The following MCF2L variants were observed in gnomAD, a reference collection of about 807,000 sequenced individuals.
The protein encoded by MCF2L is MCF.2 cell line derived transforming sequence like.
In MCF2L, 97 loss-of-function variants were observed where a neutral mutation model predicts 153.4. That is an observed-to-expected ratio of 0.63 (90% CI 0.54 to 0.75). MCF2L has a LOEUF of 0.75. Ranked by LOEUF, MCF2L falls within the 30% of genes least tolerant of loss-of-function variation. The pLI is 0.00. For synonymous variants in MCF2L, 659 were observed against 632.2 expected (o/e 1.04, Z -0.64); for missense variants, 1,347 against 1,495.2 (o/e 0.90, Z 1.64).
At chr13:112,968,704 G>A, upstream of MCF2L, 1 of 1,411,984 alleles carries the variant, frequency 7.1e-7, no homozygotes, top group Non-Finnish European at 9.2e-7. Context: ...CCTGCCACGG[G>A]GCGGCCGGAG....
chr13:113,027,632 G>A lies in MCF2L; in HGVS notation c.278+2874G>A, dbSNP rs559169258. ...GGAGGGGCTGGGTCTCGGGCCGAGCGGCCGAGCTCCCTGAGGGGCTGATGG... is the reference window on the plus strand; with the variant it reads ...GGAGGGGCTGGGTCTCGGGCCGAGCAGCCGAGCTCCCTGAGGGGCTGATGG... On this transcript the variant is annotated intron_variant, in intron 3 of 29. Transcript: ENST00000535094. This position sits in a 1 kb window ranked among gnomAD's most constrained non-coding sequence, Gnocchi z 4.8. 3.3e-5 allele frequency among the ~76,000 whole-genome samples: 5 copies of A among 152,294 alleles called. No homozygotes were observed. The highest frequency in any genetic ancestry group is 2.1e-4 in the South Asian group (1 of 4,818).
At chr13:113,082,632 C>T in intron 17 of MCF2L, 90 bp downstream of exon 17, 1 of 977,888 alleles carries the variant, frequency 1.0e-6, no homozygotes, top group East Asian at 2.7e-5. Context: ...GGGTGGAGGC[C>T]AGGCCATGCC....
At position 113,074,978 on chromosome 13, in the gene MCF2L, C is replaced by T. The variant is rs7317621; in HGVS notation, c.1117-20C>T. 1.2e-3 allele frequency: 1,856 copies of T among 1,585,988 alleles called. 22 individuals carry two copies. In the African/African-American group the frequency reaches 0.022, roughly 19 times the overall value. ...GAACAGAAAGAGGCCTGAGCTGGTC[C>T]TCTGGGTGGCCGTCCACAGGTGGCC... On this transcript the variant is annotated intron_variant, in intron 10 of 29. Coordinates refer to ENST00000535094, the MANE Select transcript of MCF2L (RefSeq NM_001112732.3). This position sits in a 1 kb window ranked among gnomAD's most constrained non-coding sequence, Gnocchi z 4.2.
chr13:113,057,363 T>C (rs1361058625), intron 4 of MCF2L, among the ~76,000 whole-genome samples: 1 of 138,776 alleles, frequency 7.2e-6, no homozygotes, highest in East Asian at 2.2e-4. Flanking sequence ...CGCTGAGTGT[T>C]TGGGGGCTGT....
chr13:112,950,982 G>A (rs966707992), intron 2 of MCF2L, among the ~76,000 whole-genome samples: 1 of 152,222 alleles, frequency 6.6e-6, no homozygotes, highest in Non-Finnish European at 1.5e-5. Context: ...AAACCACATA[G>A]CTGATAAAGG....
intron 2 of MCF2L, among the ~76,000 whole-genome samples, chr13:112,913,893 G>A (rs1368407108): frequency 6.6e-6 from 1 of 151,982 alleles, no homozygotes; most frequent in East Asian, 1.9e-4. Context: ...ACTCTTTCTC[G>A]CTCACTTGAC....
At chr13:112,954,970 T>G (rs1420378338) in intron 2 of MCF2L, among the ~76,000 whole-genome samples, 1 of 152,144 alleles carries the variant, frequency 6.6e-6, no homozygotes, top group Non-Finnish European at 1.5e-5. Context: ...TATAGTGGAA[T>G]CCAGCAGCCA....
In MCF2L at chr13:112,923,951, T is replaced by A. The variant is rs1485188632; in HGVS notation, c.169+21580T>A. On this transcript the variant is annotated intron_variant, in intron 2 of 29. Transcript: ENST00000375608. ...TGTAGAACATTCCTAAATTGGGGTTTGTCTAATGTTTATTGCTAAATCCAG... is the reference window on the plus strand; with the variant it reads ...TGTAGAACATTCCTAAATTGGGGTTAGTCTAATGTTTATTGCTAAATCCAG... Among the ~76,000 whole-genome samples the A allele has an allele frequency of 2.0e-5, 3 of 152,192 alleles. No individual in the cohort carries two copies. The East Asian group carries it at 5.8e-4, about 29-fold the overall frequency.
intron 15 of MCF2L, 56 bp downstream of exon 15, chr13:113,078,795 C>A (rs2033796425): frequency 6.9e-7 from 1 of 1,459,274 alleles, no homozygotes; most frequent in Admixed American, 1.9e-5. Context: ...GCCTGAACCA[C>A]CAGATGCCGT....
intron 4 of MCF2L, among the ~76,000 whole-genome samples, chr13:113,050,052 C>CAT (rs35807185): frequency 0.47 from 71,181 of 151,802 alleles, 16,912 homozygotes; most frequent in South Asian, 0.51. Context: ...TGAGAACTCA[C>CAT]GTCTCTTCTC....
At chr13:113,095,997 C>T in intron 27 of MCF2L, 1 of 367,234 alleles carries the variant, frequency 2.7e-6, no homozygotes, top group South Asian at 2.7e-5. Flanking sequence ...AGAGGACGGG[C>T]GAGTCGGGGA....
At chr13:112,980,385 G>T (rs1019817378) in intron 1 of MCF2L, among the ~76,000 whole-genome samples, 3 of 152,274 alleles carry the variant, frequency 2.0e-5, no homozygotes, top group Non-Finnish European at 4.4e-5. Flanking sequence ...TGGAACCACG[G>T]TGGGCTGTGG....
chr13:112,938,309 G>T (rs1391063464), intron 2 of MCF2L, among the ~76,000 whole-genome samples: 3 of 149,692 alleles, frequency 2.0e-5, no homozygotes, highest in African/African-American at 4.9e-5. Flanking sequence ...TGAGCTCTGA[G>T]TGGTTGATTC....
chr13:113,086,266 C>CCCG lies in MCF2L; in HGVS notation c.2373+18_2373+20dup, dbSNP rs1876940386. 1 of 1,606,802 alleles carries CCCG rather than the reference C, an allele frequency of 6.2e-7. No homozygotes were observed. The highest frequency in any genetic ancestry group is 1.7e-5 in the Admixed American group (1 of 59,056). Reference sequence around the variant, plus strand: ...GGCTATGACGTAAGGCGCCCAGATGCCCGGTCTTCCCCGCCGCCTCCGTGG... The same window carrying CCCG: ...GGCTATGACGTAAGGCGCCCAGATGCCCGCCGGTCTTCCCCGCCGCCTCCGTGG... On this transcript the variant is annotated intron_variant, in intron 21 of 29. Transcript: ENST00000535094.
At chr13:113,066,700 C>T (rs1479093147) in intron 8 of MCF2L, among the ~76,000 whole-genome samples, 1 of 151,910 alleles carries the variant, frequency 6.6e-6, no homozygotes, top group Admixed American at 6.6e-5. Context: ...CCCCTCACCC[C>T]CCGAGAACTC....
At chr13:113,001,094 G>T (rs1013654849) in intron 1 of MCF2L, among the ~76,000 whole-genome samples, 1 of 152,188 alleles carries the variant, frequency 6.6e-6, no homozygotes, top group African/African-American at 2.4e-5. Flanking sequence ...AGCTCTCTGT[G>T]GGACTCCCAC....
chr13:113,044,950 A>G, intron 3 of MCF2L: 1 of 1,590,636 alleles, frequency 6.3e-7, no homozygotes, highest in East Asian at 2.3e-5. Context: ...AAGGAAAATG[A>G]CTCGGCTCTT....
chr13:112,954,831 T>C (rs937317612), intron 2 of MCF2L, among the ~76,000 whole-genome samples: 1 of 152,186 alleles, frequency 6.6e-6, no homozygotes, highest in African/African-American at 2.4e-5. Flanking sequence ...TATTTAGAGC[T>C]CTGTGTGCTA....
chr13:112,943,381 C>T lies in MCF2L; in HGVS notation c.169+41010C>T, dbSNP rs533589289. ...GCGCGGGGAGGGCGGCGGCTCCCAGCTCCCGGTCCCCGGCTCCGCGCCGCA... is the reference window on the plus strand; with the variant it reads ...GCGCGGGGAGGGCGGCGGCTCCCAGTTCCCGGTCCCCGGCTCCGCGCCGCA... On this transcript the variant is annotated intron_variant, in intron 2 of 29. Coordinates refer to the MCF2L transcript ENST00000375608. This position sits in a 1 kb window ranked among gnomAD's most constrained non-coding sequence, Gnocchi z 4.2. Among the ~76,000 whole-genome samples, 28 of 151,296 alleles carry T rather than the reference C, an allele frequency of 1.9e-4. No individual in the cohort carries two copies. Among genetic ancestry groups the T allele is most frequent in the African/African-American group, 6.6e-4 (27 of 41,162 alleles).
Sources: gnomAD v4.1 joint callset for allele counts (sites outside exome capture counted in the v4.1 genomes callset) on GRCh38, gnomAD v4.1.1 for gene constraint, Gnocchi (gnomAD v3.1) non-coding constraint, MANE v1.5 for transcripts, NCBI Gene and HGNC (gene_info 2026-07-23, HGNC 2026-07-21) for gene names.